Variants in KIF26B observed in about 807,000 individuals in gnomAD.
KIF26B encodes kinesin-like protein KIF26B.
Under a neutral mutation model 151.2 loss-of-function variants are expected in KIF26B, and 63 were observed. The ratio of observed to expected loss-of-function variants is 0.42; its 90% CI spans 0.34 to 0.51. The LOEUF (loss-of-function observed/expected upper bound fraction) is 0.51, where lower values mean the gene tolerates loss of function less well. Among genes scored for constraint, KIF26B ranks in the 20% least tolerant of loss-of-function variants. The probability of loss-of-function intolerance (pLI) is 0.07; values close to 1 mark genes in which losing one functional copy is unlikely to be tolerated. For synonymous variants in KIF26B, 1,357 were observed against 1,262.1 expected, an observed-to-expected ratio of 1.08 and a Z score of -1.59; for missense variants, 2,813 against 2,913.6, an observed-to-expected ratio of 0.97 and a Z score of 0.79.
intron 4 of KIF26B, among the ~76,000 whole-genome samples, chr1:245,514,831 C>T (rs867321449): frequency 2.0e-5 from 3 of 152,174 alleles, no homozygotes; most frequent in Admixed American, 1.3e-4. Flanking sequence ...GTAAAATGCA[C>T]GCGAAGCTTA....
At chr1:245,524,712 G>C (rs1268737123) in intron 4 of KIF26B, among the ~76,000 whole-genome samples, 1 of 152,036 alleles carries the variant, frequency 6.6e-6, no homozygotes, top group East Asian at 1.9e-4. Context: ...TTCAGTCTAA[G>C]GCAGTTAGGT....
intron 4 of KIF26B, among the ~76,000 whole-genome samples, chr1:245,520,594 AT>A (rs879437790): frequency 0.3 from 35,206 of 117,172 alleles, 4,696 homozygotes; most frequent in South Asian, 0.45. Flanking sequence ...CCATCCATCC[AT>A]CCATCCACCC....
chr1:245,415,905 T>A (rs1674404990), intron 3 of KIF26B, among the ~76,000 whole-genome samples: 1 of 151,100 alleles, frequency 6.6e-6, no homozygotes. Context: ...TCCCCAAACA[T>A]TGTGGAGCCA....
intron 2 of KIF26B, among the ~76,000 whole-genome samples, chr1:245,270,209 T>C (rs1254615774): frequency 1.7e-4 from 15 of 89,014 alleles, no homozygotes; most frequent in South Asian, 3.9e-4. Context: ...CCCTTCCCTT[T>C]CTTCTTCCCT....
chr1:245,686,132 T>A lies in KIF26B; in HGVS notation c.3149T>A (p.Leu1050His). The stretch of plus-strand genomic sequence containing the variant: ...AGCCTCCAGAGCAGCCGGGAGAGCC[T>A]CAACTCCTGCGGCTTCGTGGAAGGC... Reference protein sequence around the residue: ...SPSLQSSRESLNSCGFVEGKP... With the variant: ...SPSLQSSRESHNSCGFVEGKP... The change falls in exon 12 of 15, where the codon CTC (leucine) becomes CAC (histidine). Residue 1050 changes from leucine (L) to histidine (H), a missense_variant. Transcript: ENST00000407071. The surrounding 1 kb of genome is among the most constrained non-coding windows in gnomAD (Gnocchi z 5.6). 2 of 1,611,854 alleles carry A rather than the reference T, an allele frequency of 1.2e-6. No homozygotes were observed. Among genetic ancestry groups the A allele is most frequent in the Non-Finnish European group, 1.7e-6 (2 of 1,179,546 alleles).
At chr1:245,598,461 C>T (rs1312885818) in intron 5 of KIF26B, among the ~76,000 whole-genome samples, 1 of 152,166 alleles carries the variant, frequency 6.6e-6, no homozygotes, top group Non-Finnish European at 1.5e-5. Context: ...GAGAAACAGG[C>T]CATGAAGAGC....
intron 2 of KIF26B, among the ~76,000 whole-genome samples, chr1:245,324,193 G>C (rs11589352): frequency 0.52 from 76,081 of 147,402 alleles, 19,908 homozygotes; most frequent in African/African-American, 0.56. Context: ...GAGGTGGGGT[G>C]GGCTCTGCCA....
Position 245,291,683 on chromosome 1 carries a change from G to A in KIF26B, c.466-75151G>A, listed in dbSNP as rs143555984. 2.1e-3 allele frequency among the ~76,000 whole-genome samples: 322 copies of A among 152,038 alleles called. 2 individuals are homozygous for A. The highest frequency in any genetic ancestry group is 7.2e-3 in the African/African-American group (300 of 41,562). On this transcript the variant is annotated intron_variant, in intron 2 of 14. Coordinates refer to ENST00000407071, the MANE Select transcript of KIF26B (RefSeq NM_018012.4). ...AGATGGATGTTTGACTAGAAACTAC[G>A]AAATGGATGTTTGACTAGAAACAGG...
Position 245,707,155 on chromosome 1 carries a change from CCT to C in KIF26B, c.*4551_*4552del, listed in dbSNP as rs1437720293. 6.6e-6 allele frequency: 1 copy of C among 152,048 alleles called. No individual in the cohort carries two copies. Among genetic ancestry groups the C allele is most frequent in the Non-Finnish European group, 1.5e-5 (1 of 68,016 alleles). 9.4% of individuals were successfully genotyped at this position (152,048 alleles called of 1,614,324 possible). ...GAAAATTCCTGGAAACTAATTTATC[CCT>C]CCCTAAACAAACACATTCTGCTTTT... is the stretch of plus-strand genomic sequence containing the variant. On this transcript the variant is annotated 3_prime_UTR_variant, in exon 15 of 15. Coordinates refer to ENST00000407071, the MANE Select transcript of KIF26B (RefSeq NM_018012.4).
chr1:245,599,425 T>G (rs1326902038), intron 5 of KIF26B, among the ~76,000 whole-genome samples: 1 of 152,216 alleles, frequency 6.6e-6, no homozygotes, highest in African/African-American at 2.4e-5. Flanking sequence ...CTGCAGAAAA[T>G]GAGCCGCAGG....
At chr1:245,575,262 G>A (rs1405437881) in intron 5 of KIF26B, among the ~76,000 whole-genome samples, 1 of 151,888 alleles carries the variant, frequency 6.6e-6, no homozygotes, top group Non-Finnish European at 1.5e-5. Flanking sequence ...ATCACCTGAT[G>A]TCAGGAGTTC....
intron 5 of KIF26B, among the ~76,000 whole-genome samples, chr1:245,569,621 A>G (rs997579526): frequency 8.6e-5 from 13 of 151,722 alleles, no homozygotes; most frequent in Non-Finnish European, 1.3e-4. Flanking sequence ...AAACAAATAA[A>G]CAAACAAACA....
chr1:245,613,588 G>A (rs1165798959), intron 9 of KIF26B, among the ~76,000 whole-genome samples: 1 of 152,076 alleles, frequency 6.6e-6, no homozygotes, highest in Non-Finnish European at 1.5e-5. Flanking sequence ...ACAGAGCAAG[G>A]CTCTGTCTCA....
intron 4 of KIF26B, among the ~76,000 whole-genome samples, chr1:245,479,046 G>A (rs1252508808): frequency 2.6e-5 from 4 of 151,750 alleles, no homozygotes; most frequent in African/African-American, 4.8e-5. Flanking sequence ...TGAATGCACC[G>A]AGGTGGAGAT....
intron 2 of KIF26B, among the ~76,000 whole-genome samples, chr1:245,286,552 C>T (rs1422383800): frequency 2.6e-5 from 4 of 151,922 alleles, no homozygotes; most frequent in African/African-American, 2.4e-5. Flanking sequence ...AAAATAAAAA[C>T]AATAAAACGT....
intron 2 of KIF26B, among the ~76,000 whole-genome samples, chr1:245,235,080 T>C (rs1396010938): frequency 1.2e-4 from 19 of 152,178 alleles, no homozygotes; most frequent in Admixed American, 1.2e-3. Flanking sequence ...CCTACTGCGC[T>C]GGGTTGAGTT....
At chr1:245,529,202 C>T (rs1309157850) in intron 4 of KIF26B, among the ~76,000 whole-genome samples, 2 of 152,002 alleles carry the variant, frequency 1.3e-5, no homozygotes, top group Non-Finnish European at 2.9e-5. Flanking sequence ...AGAGGTGAGC[C>T]GAGACTGTGG....
intron 10 of KIF26B, among the ~76,000 whole-genome samples, chr1:245,670,245 CATATATAT>C (rs10584392): frequency 0.12 from 15,724 of 134,502 alleles, 951 homozygotes; most frequent in South Asian, 0.16. Context: ...TGTGTATATC[CATATATAT>C]ATATATATAT....
rs909922639 is a variant in KIF26B, at chr1:245,488,167, C to A, written c.1167-52600C>A. On this transcript the variant is annotated intron_variant, in intron 4 of 14. Transcript: ENST00000407071. The surrounding 1 kb of genome is among the most constrained non-coding windows in gnomAD (Gnocchi z 4.6). Reference sequence around the variant, plus strand: ...AAACTCCTGGACTCAAGCCATCTGCCCATCTTGGCCTCCCAAAGCACTGAG... The same window carrying A: ...AAACTCCTGGACTCAAGCCATCTGCACATCTTGGCCTCCCAAAGCACTGAG... Among the ~76,000 whole-genome samples the A allele has an allele frequency of 2.6e-5, 4 of 152,094 alleles. No homozygotes were observed. Among genetic ancestry groups the A allele is most frequent in the Non-Finnish European group, 4.4e-5 (3 of 68,020 alleles).
Sources: allele counts gnomAD v4.1 joint callset (sites outside exome capture counted in the v4.1 genomes callset), GRCh38; gene constraint gnomAD v4.1.1; non-coding constraint Gnocchi (gnomAD v3.1); transcripts MANE v1.5; gene names NCBI Gene and HGNC (gene_info 2026-07-23, HGNC 2026-07-21).